ASPM: variants seen among roughly 807,000 people sequenced by gnomAD.
ASPM encodes assembly factor for spindle microtubules.
A neutral mutation model predicts 366.4 loss-of-function variants in ASPM; 256 were observed. That is an observed-to-expected ratio of 0.70 (90% CI 0.63 to 0.77). The LOEUF (loss-of-function observed/expected upper bound fraction) is 0.77, where lower values mean the gene tolerates loss of function less well. ASPM is among the 30% of genes least tolerant of loss of function. ASPM has a pLI of 0.00. For missense variants in ASPM, 4,146 were observed against 4,090.4 expected (o/e 1.01, Z -0.37); for synonymous variants, 1,414 against 1,342.9 (o/e 1.05, Z -1.16).
In ASPM at chr1:197,146,393, C is replaced by G; in HGVS notation, c.45G>C (p.Pro15=). 6.2e-7 allele frequency: 1 copy of G among 1,609,968 alleles called. No homozygotes were observed. The highest frequency in any genetic ancestry group is 8.5e-7 in the Non-Finnish European group (1 of 1,179,444). ...RVGRGCWEVS[P]TERRPPAGLR... ...GCCCCGCGGGCGGCCTCCGCTCGGT[C>G]GGGCTCACTTCCCAGCAGCCTCGCC... The change falls in exon 1 of 28, where the codon CCG becomes CCC. Residue 15 remains proline, a synonymous_variant. Transcript: ENST00000367409.
At chr1:197,115,725 T>G (rs1168126870) in intron 17 of ASPM, among the ~76,000 whole-genome samples, 1 of 152,216 alleles carries the variant, frequency 6.6e-6, no homozygotes, top group African/African-American at 2.4e-5. Context: ...AAAAGGAATC[T>G]TCTTTTCTGT....
chr1:197,118,486 A>G (rs919916006), intron 16 of ASPM, among the ~76,000 whole-genome samples: 1 of 152,128 alleles, frequency 6.6e-6, no homozygotes, highest in African/African-American at 2.4e-5. Context: ...TGAAGAGGAA[A>G]AAGTATAGTT....
chr1:197,103,617 C>G lies in ASPM; in HGVS notation c.5634G>C (p.Val1878=). The change falls in exon 18 of 28, where the codon GTG becomes GTC. Residue 1878 remains valine, a synonymous_variant. Transcript: ENST00000367409. ...RTHFLKTKAA[V]ISLQSAYRGW... The stretch of plus-strand genomic sequence containing the variant: ...CACGATAAGCAGACTGGAGGGAAAT[C>G]ACAGCTGCCTTTGTCTTCAAAAAAT... 1.2e-6 allele frequency: 2 copies of G among 1,612,862 alleles called. No homozygotes were observed. The highest frequency in any genetic ancestry group is 1.7e-6 in the Non-Finnish European group (2 of 1,179,400).
Position 197,100,396 on chromosome 1 carries a change from TCACA to T in ASPM, c.8820+31_8820+34del, listed in dbSNP as rs1291401066. On this transcript the variant is annotated intron_variant, in intron 18 of 27. Transcript: ENST00000367409. The stretch of plus-strand genomic sequence containing the variant: ...AACAAATATTGGTCAAAAGAAAGAC[TCACA>T]GTTTTATATTTAAATTAAATATAGA... 5.3e-6 allele frequency: 7 copies of T among 1,318,986 alleles called. No individual in the cohort carries two copies. In the Admixed American group the frequency reaches 1.3e-4, roughly 25 times the overall value. 81.7% of individuals were successfully genotyped at this position (1,318,986 alleles called of 1,614,324 possible). A position where few individuals can be genotyped will look rare whatever the true frequency, so the allele number is the denominator to read the frequency against.
chr1:197,132,729 C>G (rs111891270), intron 6 of ASPM, among the ~76,000 whole-genome samples: 4 of 148,960 alleles, frequency 2.7e-5, no homozygotes, highest in African/African-American at 4.9e-5. Context: ...TGTGTGTGTA[C>G]GTATATATAC....
In ASPM at chr1:197,143,013, T is replaced by C. The variant is rs1354708610; in HGVS notation, c.1239A>G (p.Val413=). Residue 413 remains valine (V), a synonymous_variant, in exon 3 of 28, where the codon GTA becomes GTG. Coordinates refer to ENST00000367409, the MANE Select transcript of ASPM (RefSeq NM_018136.5). The part of the protein sequence containing the change: ...YMCTSQQTCK[V]PLSNENSQVP... ...CTTGAGAATTTTCATTTGATAATGG[T>C]ACTTTACATGTTTGCTGAGATGTAC... 6.2e-7 allele frequency: 1 copy of C among 1,613,540 alleles called. No individual in the cohort carries two copies. Among genetic ancestry groups the C allele is most frequent in the African/African-American group, 1.3e-5 (1 of 75,024 alleles).
At chr1:197,141,854 T>C (rs753275812) in intron 3 of ASPM, among the ~76,000 whole-genome samples, 5 of 152,152 alleles carry the variant, frequency 3.3e-5, no homozygotes, top group Admixed American at 6.5e-5. Context: ...CTTAGATTTG[T>C]CAAGAGGTAG....
chr1:197,092,177 A>T, intron 21 of ASPM, 121 bp from the exon 22 acceptor site: 1 of 904,248 alleles, frequency 1.1e-6, no homozygotes, highest in South Asian at 1.5e-5. Context: ...CTAATTTTTA[A>T]TCATTACAAT....
At chr1:197,085,120 T>C (rs1036629319) in intron 27 of ASPM, among the ~76,000 whole-genome samples, 2 of 152,172 alleles carry the variant, frequency 1.3e-5, no homozygotes, top group Non-Finnish European at 2.9e-5. Context: ...CTGTTGTCTC[T>C]CTCTCCTACC....
chr1:197,093,128 C>G lies in ASPM; in HGVS notation c.9218G>C (p.Arg3073Thr). 6.2e-7 allele frequency: 1 copy of G among 1,612,278 alleles called. No homozygotes were observed. Among genetic ancestry groups the G allele is most frequent in the Non-Finnish European group, 8.5e-7 (1 of 1,178,852 alleles). Residue 3073 changes from arginine (R) to threonine (T), a missense_variant, in exon 21 of 28, where the codon AGG (arginine) becomes ACG (threonine). Coordinates refer to ENST00000367409, the MANE Select transcript of ASPM (RefSeq NM_018136.5). ...IRAREAGKHE[R>T]IKYIEFKKST... ...TTTTTTAAATTCAATATATTTTATC[C>G]TTTCATGCTTTCCAGCCTCCCTGGC...
chr1:197,108,353 A>G (rs997449402), intron 17 of ASPM, among the ~76,000 whole-genome samples: 3 of 152,084 alleles, frequency 2.0e-5, no homozygotes, highest in Non-Finnish European at 4.4e-5. Flanking sequence ...AAGAAACTAT[A>G]GACAGAAAAG....
At chr1:197,118,352 T>C (rs1429295145) in intron 16 of ASPM, among the ~76,000 whole-genome samples, 7 of 151,914 alleles carry the variant, frequency 4.6e-5, no homozygotes, top group African/African-American at 1.7e-4. Context: ...AAGGGGAGGA[T>C]TGTATGAAAA....
At chr1:197,107,536 A>T (rs1044754868) in intron 17 of ASPM, among the ~76,000 whole-genome samples, 2 of 152,154 alleles carry the variant, frequency 1.3e-5, no homozygotes, top group African/African-American at 4.8e-5. Context: ...TATTTGACAT[A>T]CAACATAACA....
At chr1:197,087,039 C>A in intron 26 of ASPM, 67 bp from the exon 27 acceptor site, 1 of 1,372,746 alleles carries the variant, frequency 7.3e-7, no homozygotes, top group Non-Finnish European at 1.0e-6. Flanking sequence ...TTTAGACTAG[C>A]AAAATCAAAT....
intron 17 of ASPM, among the ~76,000 whole-genome samples, chr1:197,107,581 A>G (rs544779404): frequency 3.0e-4 from 45 of 152,276 alleles, no homozygotes; most frequent in African/African-American, 1.1e-3. Context: ...AAGATAATCA[A>G]TAGACACCAA....
Position 197,103,680 on chromosome 1 carries a change from C to G in ASPM, c.5571G>C (p.Trp1857Cys). The G allele has an allele frequency of 6.2e-7, 1 of 1,612,866 alleles. No individual in the cohort carries two copies. The highest frequency in any genetic ancestry group is 8.5e-7 in the Non-Finnish European group (1 of 1,179,364). The change falls in exon 18 of 28, where the codon TGG becomes TGC. Residue 1857 changes from tryptophan (W) to cysteine (C), a missense_variant. Transcript: ENST00000367409. ...CATGAAGAGTCTTGTACGCCCTGTA[C>G]CATCTCTGAATCTTTATTATAGATT... ...VLQSIIKIQR[W>C]YRAYKTLHDT...
At chr1:197,136,240 T>C (rs1210891332) in intron 4 of ASPM, among the ~76,000 whole-genome samples, 3 of 152,192 alleles carry the variant, frequency 2.0e-5, no homozygotes, top group Non-Finnish European at 4.4e-5. Context: ...CAAGAAGCAT[T>C]AAAGTCCTTC....
rs749613271 is a variant in ASPM, at chr1:197,103,069, T to C, written c.6182A>G (p.Lys2061Arg). 5 of 1,612,650 alleles carry C rather than the reference T, an allele frequency of 3.1e-6. No homozygotes were observed. The highest frequency in any genetic ancestry group is 3.4e-6 in the Non-Finnish European group (4 of 1,179,286). ...TGAAGCTCTATAGGTTGCATATTTC[T>C]TTTTGGTTTTGTAAGCTCTGTATTT... The part of the protein sequence containing the change: ...QSKYRAYKTK[K>R]KYATYRASAI... The change falls in exon 18 of 28, where the codon AAG becomes AGG. Residue 2061 changes from lysine (K) to arginine (R), a missense_variant. By Grantham distance (26) the Lys-to-Arg change is conservative (BLOSUM62 2). Around this residue, in one of 3 missense-constraint regions of ASPM, gnomAD observed 3,624 missense variants for 3,591.7 expected, o/e 1.01. Coordinates refer to ENST00000367409, the MANE Select transcript of ASPM (RefSeq NM_018136.5).
In ASPM at chr1:197,093,155, C is replaced by A; in HGVS notation, c.9191G>T (p.Arg3064Leu). 2 of 1,612,268 alleles carry A rather than the reference C, an allele frequency of 1.2e-6. No homozygotes were observed. Among genetic ancestry groups the A allele is most frequent in the Non-Finnish European group, 1.7e-6 (2 of 1,178,760 alleles). The part of the protein sequence containing the change: ...SAALIIQKYI[R>L]AREAGKHERI... ...TTCATGCTTTCCAGCCTCCCTGGCT[C>A]GTATATATTTTTGTATGATCAAAGC... Residue 3064 changes from arginine (R) to leucine (L), a missense_variant, in exon 21 of 28, where the codon CGA (arginine) becomes CTA (leucine). By Grantham distance (102) the Arg-to-Leu change is moderately radical (BLOSUM62 -2). Around this residue, in one of 3 missense-constraint regions of ASPM, gnomAD observed 3,624 missense variants for 3,591.7 expected, o/e 1.01. Coordinates refer to ENST00000367409, the MANE Select transcript of ASPM (RefSeq NM_018136.5).
Sources: gnomAD v4.1 joint callset for allele counts (sites outside exome capture counted in the v4.1 genomes callset) on GRCh38, gnomAD v4.1.1 for gene constraint, gnomAD v4.1.1 regional missense constraint, MANE v1.5 for transcripts, NCBI Gene and HGNC (gene_info 2026-07-23, HGNC 2026-07-21) for gene names.